The following GNAQ variants were observed in gnomAD, a reference collection of about 807,000 sequenced individuals.
GNAQ encodes guanine nucleotide-binding protein G(q) subunit alpha.
A neutral mutation model predicts 43.9 loss-of-function variants in GNAQ; 8 were observed. That is an observed-to-expected ratio of 0.18 (90% CI 0.11 to 0.33). GNAQ has a LOEUF of 0.33. GNAQ is among the 10% of genes least tolerant of loss of function. The probability of loss-of-function intolerance (pLI) is 1.00; values close to 1 mark genes in which losing one functional copy is unlikely to be tolerated. For missense variants in GNAQ, 158 were observed against 450.8 expected (o/e 0.35, Z 5.88); for synonymous variants, 155 against 170.7 (o/e 0.91, Z 0.71).
chr9:77,764,851 C>T (rs1360562853), intron 5 of GNAQ, among the ~76,000 whole-genome samples: 2 of 152,300 alleles, frequency 1.3e-5, no homozygotes, highest in African/African-American at 4.8e-5. Context: ...CAACAAGAAC[C>T]AGTGTGTGAT....
At chr9:78,026,631 C>A (rs1823983766) in intron 1 of GNAQ, among the ~76,000 whole-genome samples, 1 of 152,102 alleles carries the variant, frequency 6.6e-6, no homozygotes. Flanking sequence ...TCCTAGATGG[C>A]ACTGACCTCT....
At chr9:77,732,013 C>G (rs1253480804) in intron 5 of GNAQ, among the ~76,000 whole-genome samples, 1 of 152,106 alleles carries the variant, frequency 6.6e-6, no homozygotes, top group Admixed American at 6.5e-5. Context: ...TTATCAAGCC[C>G]CGGACTAAAT....
chr9:77,984,412 G>A (rs949966780), intron 1 of GNAQ, among the ~76,000 whole-genome samples: 17 of 151,844 alleles, frequency 1.1e-4, no homozygotes, highest in Non-Finnish European at 1.6e-4. Context: ...CAAGCAATTC[G>A]GCCTCCCAAA....
At chr9:77,921,896 T>A (rs1829001830) in intron 2 of GNAQ, among the ~76,000 whole-genome samples, 1 of 152,230 alleles carries the variant, frequency 6.6e-6, no homozygotes, top group Non-Finnish European at 1.5e-5. Flanking sequence ...AAAATATTTA[T>A]TGCTGAACAT....
intron 2 of GNAQ, among the ~76,000 whole-genome samples, chr9:77,919,121 T>A (rs1021655824): frequency 6.6e-6 from 1 of 152,194 alleles, no homozygotes; most frequent in South Asian, 2.1e-4. Flanking sequence ...GATTTCACCA[T>A]GCTAGCCAGG....
chr9:77,738,428 T>A (rs1825605364), intron 5 of GNAQ, among the ~76,000 whole-genome samples: 1 of 152,234 alleles, frequency 6.6e-6, no homozygotes, highest in South Asian at 2.1e-4. Flanking sequence ...TTCAATTTTT[T>A]TCTATCATAA....
chr9:77,820,187 A>C (rs1448427537), intron 2 of GNAQ, among the ~76,000 whole-genome samples: 1 of 152,120 alleles, frequency 6.6e-6, no homozygotes, highest in East Asian at 1.9e-4. Context: ...ACTGAAGCCT[A>C]AATTTGCTCA....
chr9:78,004,743 G>A (rs770080347), intron 1 of GNAQ, among the ~76,000 whole-genome samples: 1 of 152,064 alleles, frequency 6.6e-6, no homozygotes, highest in Admixed American at 6.5e-5. Flanking sequence ...GATCAGAAAA[G>A]GCAATGAGAA....
In GNAQ at chr9:77,718,190, C is replaced by A. The variant is rs773374735; in HGVS notation, c.*3133G>T. On this transcript the variant is annotated 3_prime_UTR_variant, in exon 7 of 7. Coordinates refer to ENST00000286548, the MANE Select transcript of GNAQ (RefSeq NM_002072.5). ...GACATGCCCAAGTCACCATAAAACTCACCACAGGCCTCCATTACCTAAGCA... is the reference window on the plus strand; with the variant it reads ...GACATGCCCAAGTCACCATAAAACTAACCACAGGCCTCCATTACCTAAGCA... The A allele has an allele frequency of 9.4e-5, 22 of 232,822 alleles. No individual in the cohort carries two copies. The highest frequency in any genetic ancestry group is 1.7e-4 in the Non-Finnish European group (20 of 117,754). The allele number at this position is 232,822 out of a possible 1,614,324, so 14.4% of individuals were successfully genotyped here. A position where few individuals can be genotyped will look rare whatever the true frequency, so the allele number is the denominator to read the frequency against.
In GNAQ at chr9:77,771,958, C is replaced by G. The variant is rs562912443; in HGVS notation, c.735+22505G>C. Among the ~76,000 whole-genome samples, 33 of 152,258 alleles carry G rather than the reference C, an allele frequency of 2.2e-4. No individual in the cohort carries two copies. The South Asian group carries it at 6.6e-3, about 31-fold the overall frequency. On this transcript the variant is annotated intron_variant, in intron 5 of 6. Transcript: ENST00000286548. ...GGCTGAGGAGCCAGCTAATTCCCAT[C>G]TGCTGCTGTGTGCCACTCTGCATTC...
chr9:78,031,454 C>T lies in GNAQ; in HGVS notation c.-219G>A, dbSNP rs1824059641. On this transcript the variant is annotated 5_prime_UTR_variant, in exon 1 of 7. Coordinates refer to ENST00000286548, the MANE Select transcript of GNAQ (RefSeq NM_002072.5). ...CGCGGTGGGAGCGGATAGTCTGGGCCGACGGGAGAAGAGAGGCGGGCGCGG... is the reference window on the plus strand; with the variant it reads ...CGCGGTGGGAGCGGATAGTCTGGGCTGACGGGAGAAGAGAGGCGGGCGCGG... 1 of 197,366 alleles carries T rather than the reference C, an allele frequency of 5.1e-6. No individual in the cohort carries two copies. The highest frequency in any genetic ancestry group is 1.0e-5 in the Non-Finnish European group (1 of 97,840). 12.2% of individuals were successfully genotyped at this position (197,366 alleles called of 1,614,324 possible).
intron 5 of GNAQ, among the ~76,000 whole-genome samples, chr9:77,758,948 A>T (rs911940306): frequency 1.3e-5 from 2 of 152,060 alleles, no homozygotes; most frequent in African/African-American, 2.4e-5. Flanking sequence ...CTGTATGTTT[A>T]AAAAAAATCA....
intron 2 of GNAQ, among the ~76,000 whole-genome samples, chr9:77,891,589 A>AC (rs1828406123): frequency 2.0e-5 from 3 of 151,970 alleles, no homozygotes; most frequent in Admixed American, 2.0e-4. Context: ...CTTCCTCAAC[A>AC]CCCCAGCCTG....
chr9:77,861,876 A>T (rs1827859193), intron 2 of GNAQ, among the ~76,000 whole-genome samples: 1 of 151,954 alleles, frequency 6.6e-6, no homozygotes, highest in South Asian at 2.1e-4. Context: ...GGCATGGCAC[A>T]CACCTGTAAT....
chr9:77,966,317 GTA>G (rs1397807401), intron 1 of GNAQ, among the ~76,000 whole-genome samples: 1 of 152,078 alleles, frequency 6.6e-6, no homozygotes, highest in African/African-American at 2.4e-5. Context: ...AGCTTACTGA[GTA>G]TCAATTACAT....
intron 2 of GNAQ, among the ~76,000 whole-genome samples, chr9:77,830,377 T>C (rs1469610670): frequency 1.3e-5 from 2 of 152,124 alleles, no homozygotes; most frequent in Non-Finnish European, 2.9e-5. Flanking sequence ...GCATATAACC[T>C]GAGGAAGACA....
chr9:77,760,340 G>C (rs1212381999), intron 5 of GNAQ, among the ~76,000 whole-genome samples: 1 of 152,236 alleles, frequency 6.6e-6, no homozygotes, highest in African/African-American at 2.4e-5. Context: ...CTGAGTGCCT[G>C]CGAGTGCAGG....
chr9:77,899,387 G>A (rs547771588), intron 2 of GNAQ, among the ~76,000 whole-genome samples: 1 of 152,146 alleles, frequency 6.6e-6, no homozygotes, highest in East Asian at 1.9e-4. Flanking sequence ...ATGAGCTACT[G>A]TGTCCGGTCT....
intron 1 of GNAQ, among the ~76,000 whole-genome samples, chr9:77,990,072 A>T (rs1378650359): frequency 6.6e-6 from 1 of 152,218 alleles, no homozygotes; most frequent in Non-Finnish European, 1.5e-5. Context: ...AAGCTAAGGA[A>T]AACTCCATGA....
Sources: gnomAD v4.1 joint callset for allele counts (sites outside exome capture counted in the v4.1 genomes callset) on GRCh38, gnomAD v4.1.1 for gene constraint, MANE v1.5 for transcripts, NCBI Gene and HGNC (gene_info 2026-07-23, HGNC 2026-07-21) for gene names.